SLC12A7: variants seen among roughly 807,000 people sequenced by gnomAD.
SLC12A7 encodes K-Cl cotransporter 4.
A neutral mutation model predicts 120.6 loss-of-function variants in SLC12A7; 100 were observed. The ratio of observed to expected loss-of-function variants is 0.83; its 90% CI spans 0.71 to 0.98. SLC12A7 has a LOEUF of 0.98. SLC12A7 is among the 50% of genes least tolerant of loss of function. SLC12A7 has a pLI of 0.00. For missense variants in SLC12A7, 1,373 were observed against 1,548.1 expected (o/e 0.89, Z 1.90); for synonymous variants, 760 against 678.0 (o/e 1.12, Z -1.88).
the SLC12A7 span, among the ~76,000 whole-genome samples, chr5:1,124,681 T>A: frequency 2.0e-5 from 3 of 152,024 alleles, no homozygotes; most frequent in Admixed American, 1.3e-4. Flanking sequence ...GAGTCCCTGA[T>A]CGCAGCAGAC....
chr5:1,104,975 C>T (rs1276243328), intron 1 of SLC12A7, among the ~76,000 whole-genome samples: 1 of 151,962 alleles, frequency 6.6e-6, no homozygotes, highest in Non-Finnish European at 1.5e-5. Flanking sequence ...AGGGACCCTC[C>T]CCGCAGGGGT....
chr5:1,085,494 G>A (rs374827845), intron 6 of SLC12A7, 21 bp from the exon 7 acceptor site: 56 of 1,575,180 alleles, frequency 3.6e-5, no homozygotes, highest in East Asian at 1.6e-4. Flanking sequence ...AAGGCCGGTC[G>A]GGAGGCCGTC....
the SLC12A7 span, among the ~76,000 whole-genome samples, chr5:1,130,345 A>G: frequency 6.6e-6 from 1 of 152,172 alleles, no homozygotes; most frequent in Non-Finnish European, 1.5e-5. Context: ...CAGCGAGGAC[A>G]GGAGGACCCA....
the SLC12A7 span, among the ~76,000 whole-genome samples, chr5:1,145,025 G>A: frequency 6.6e-6 from 1 of 152,272 alleles, no homozygotes; most frequent in African/African-American, 2.4e-5. The surrounding 1 kb of genome is among the most constrained non-coding windows in gnomAD (Gnocchi z 4.4). Context: ...GGCCGGGGCT[G>A]GGGAAGGAGC....
Position 1,087,465 on chromosome 5 carries a change from C to T in SLC12A7, c.545-432G>A, listed in dbSNP as rs536426591. ...CGCACGCTATCACTGGCGGGAAAGC[C>T]GGGCGCAACCCCAGGGCTGCCTGGA... On this transcript the variant is annotated intron_variant, in intron 5 of 23. Coordinates refer to ENST00000264930, the MANE Select transcript of SLC12A7 (RefSeq NM_006598.3). 7.9e-5 allele frequency among the ~76,000 whole-genome samples: 12 copies of T among 152,384 alleles called. No homozygotes were observed. The East Asian group carries it at 9.6e-4, about 12-fold the overall frequency.
rs747712429 is a variant in SLC12A7, at chr5:1,053,366, C to T, written c.3143G>A (p.Arg1048Gln). The change falls in exon 23 of 24, where the codon CGG becomes CAG. Residue 1048 changes from arginine (R) to glutamine (Q), a missense_variant. Coordinates refer to ENST00000264930, the MANE Select transcript of SLC12A7 (RefSeq NM_006598.3). ...LLNMPGPPKN[R>Q]QGDENYMEFL... ...AAGGATACAGTTCTCGTCTCCCTGCCGGTTTTTGGGAGGACCTGGCATGTT... is the reference window on the plus strand; with the variant it reads ...AAGGATACAGTTCTCGTCTCCCTGCTGGTTTTTGGGAGGACCTGGCATGTT... 26 of 1,613,802 alleles carry T rather than the reference C, an allele frequency of 1.6e-5. No homozygotes were observed. The highest frequency in any genetic ancestry group is 6.7e-5 in the African/African-American group (5 of 74,946).
the SLC12A7 span, among the ~76,000 whole-genome samples, chr5:1,147,238 GCCCACCCCGCCA>G: frequency 4.7e-3 from 415 of 87,936 alleles, 8 homozygotes; most frequent in African/African-American, 0.021. Context: ...CCTCATCACG[GCCCACCCCGCCA>G]CCCCCCCCGC....
chr5:1,074,791 C>T, intron 15 of SLC12A7, 120 bp from the exon 16 acceptor site: 5 of 936,212 alleles, frequency 5.3e-6, no homozygotes, highest in South Asian at 4.7e-5. Context: ...GGAAAAGTCC[C>T]TGGATGAGGA....
upstream of SLC12A7, chr5:1,112,151 T>C (rs1743074007): frequency 3.3e-6 from 3 of 903,356 alleles, no homozygotes; most frequent in Non-Finnish European, 4.3e-6. Flanking sequence ...CCACGAAAAG[T>C]TGGCCCGCGG....
At chr5:1,104,762 C>G (rs929216116) in intron 1 of SLC12A7, among the ~76,000 whole-genome samples, 2 of 152,226 alleles carry the variant, frequency 1.3e-5, no homozygotes, top group African/African-American at 4.8e-5. Flanking sequence ...ACACGTGATT[C>G]AGAAGCAGCA....
chr5:1,068,087 G>A (rs1737250082), intron 17 of SLC12A7, among the ~76,000 whole-genome samples: 1 of 152,238 alleles, frequency 6.6e-6, no homozygotes, highest in Non-Finnish European at 1.5e-5. Flanking sequence ...AGCCTCCCTG[G>A]CGACTGCATG....
Position 1,081,635 on chromosome 5 carries a change from G to C in SLC12A7, c.1239C>G (p.Leu413=). ...ESRASALPYV[L]TDIAASFTLL... ...GGGTGAAGGAGGCCGCGATGTCGGT[G>C]AGCACGTAGGGCAGTGCGCTGGCAC... is the stretch of plus-strand genomic sequence containing the variant. Residue 413 remains leucine, a synonymous_variant, in exon 9 of 24, where the codon CTC becomes CTG. Coordinates refer to ENST00000264930, the MANE Select transcript of SLC12A7 (RefSeq NM_006598.3). The C allele has an allele frequency of 1.2e-6, 2 of 1,612,482 alleles. No individual in the cohort carries two copies. The highest frequency in any genetic ancestry group is 1.7e-6 in the Non-Finnish European group (2 of 1,179,360).
the SLC12A7 span, among the ~76,000 whole-genome samples, chr5:1,155,707 T>A: frequency 2.7e-5 from 4 of 150,724 alleles, no homozygotes; most frequent in East Asian, 7.8e-4. Context: ...TAGAGCAGAA[T>A]GGGAAGCGGG....
intron 22 of SLC12A7, among the ~76,000 whole-genome samples, chr5:1,055,361 T>C (rs1735500874): frequency 6.6e-6 from 1 of 152,176 alleles, no homozygotes; most frequent in Non-Finnish European, 1.5e-5. Flanking sequence ...GCAGGTGCGC[T>C]GACAGGTACA....
intron 1 of SLC12A7, among the ~76,000 whole-genome samples, chr5:1,098,799 C>G (rs1451689742): frequency 1.6e-5 from 2 of 127,404 alleles, no homozygotes; most frequent in Non-Finnish European, 3.6e-5. Flanking sequence ...CCCTCTAACC[C>G]TCTGCTCACC....
chr5:1,112,345 TCCCCGG>T (rs1743097621), upstream of SLC12A7, among the ~76,000 whole-genome samples: 1 of 41,142 alleles, frequency 2.4e-5, no homozygotes, highest in African/African-American at 1.7e-4. Context: ...CTCCCCGCCC[TCCCCGG>T]CCCCCTCCCC....
At chr5:1,055,161 C>A (rs957129606) in intron 22 of SLC12A7, among the ~76,000 whole-genome samples, 5 of 152,066 alleles carry the variant, frequency 3.3e-5, no homozygotes, top group Non-Finnish European at 7.4e-5. Context: ...TGCAGACACA[C>A]TGATGTGTAC....
chr5:1,065,632 G>A (rs1017194718), intron 17 of SLC12A7, among the ~76,000 whole-genome samples, 154 bp from the exon 18 acceptor site: 9 of 152,074 alleles, frequency 5.9e-5, no homozygotes, highest in Non-Finnish European at 1.2e-4. Context: ...CGGTGCTCCC[G>A]GCCGCTGTGT....
the SLC12A7 span, among the ~76,000 whole-genome samples, chr5:1,152,762 C>A: frequency 6.6e-6 from 1 of 152,136 alleles, no homozygotes; most frequent in African/African-American, 2.4e-5. Flanking sequence ...GGTGTGGATT[C>A]CTGCATTGAA....
Sources: gnomAD v4.1 joint callset for allele counts (sites outside exome capture counted in the v4.1 genomes callset) on GRCh38, gnomAD v4.1.1 for gene constraint, Gnocchi (gnomAD v3.1) non-coding constraint, MANE v1.5 for transcripts, NCBI Gene and HGNC (gene_info 2026-07-23, HGNC 2026-07-21) for gene names.